SLC30A8: variants seen among roughly 807,000 people sequenced by gnomAD.
SLC30A8 encodes the protein solute carrier family 30 member 8.
Under a neutral mutation model 36.9 loss-of-function variants are expected in SLC30A8, and 27 were observed. The observed-to-expected ratio is 0.73, with a 90% CI of 0.54 to 1.01. The LOEUF (loss-of-function observed/expected upper bound fraction) is 1.01, where lower values mean the gene tolerates loss of function less well. Ranked by LOEUF, SLC30A8 falls within the 50% of genes least tolerant of loss-of-function variation. SLC30A8 has a pLI of 0.00. For missense variants in SLC30A8, 439 were observed against 452.0 expected, an observed-to-expected ratio of 0.97 and a Z score of 0.26; for synonymous variants, 164 against 172.4, an observed-to-expected ratio of 0.95 and a Z score of 0.38.
chr8:117,100,313 A>T (rs1011512534), intron 2 of SLC30A8, among the ~76,000 whole-genome samples: 4 of 152,190 alleles, frequency 2.6e-5, no homozygotes, highest in Non-Finnish European at 4.4e-5. Context: ...AGTGGAAAAG[A>T]TATATTTGAA....
rs536041878 is a variant in SLC30A8, at chr8:117,041,689, C to CAA, written c.-226+2440_-226+2441dup. 9.2e-3 allele frequency among the ~76,000 whole-genome samples: 1,331 copies of CAA among 144,552 alleles called. 12 individuals are homozygous for CAA. The highest frequency in any genetic ancestry group is 0.032 in the African/African-American group (1,251 of 39,258). The allele number at this position is 144,552 out of a possible 152,430, so 94.8% of individuals were successfully genotyped here. A position where few individuals can be genotyped will look rare whatever the true frequency, so the allele number is the denominator to read the frequency against. On this transcript the variant is annotated intron_variant, in intron 2 of 10. Transcript: ENST00000427715. The stretch of plus-strand genomic sequence containing the variant: ...GGGCAACAAGAGGTAAACTCTGTCT[C>CAA]AAAAAAAAAATAAAAAAATAAAAAA...
chr8:117,019,273 AAC>A (rs1816628043), intron 1 of SLC30A8, among the ~76,000 whole-genome samples: 1 of 152,230 alleles, frequency 6.6e-6, no homozygotes, highest in South Asian at 2.1e-4. Context: ...CAATGTATAT[AAC>A]AATGTAAACT....
chr8:117,138,060 C>CAAAAAAAAAAAAAAAAAAAAA, intron 1 of SLC30A8, among the ~76,000 whole-genome samples: 1 of 49,980 alleles, frequency 2.0e-5, no homozygotes, highest in Non-Finnish European at 4.2e-5. Flanking sequence ...TTCATTGTAG[C>CAAAAAAAAAAAAAAAAAAAAA]AAAAAAAAAA....
chr8:116,991,972 T>G (rs1815660989), intron 1 of SLC30A8, among the ~76,000 whole-genome samples: 1 of 152,184 alleles, frequency 6.6e-6, no homozygotes, highest in African/African-American at 2.4e-5. Flanking sequence ...ATCCAACATC[T>G]TGCTCTTCAA....
intron 2 of SLC30A8, among the ~76,000 whole-genome samples, chr8:117,045,988 A>G (rs1817539385): frequency 6.6e-6 from 1 of 151,032 alleles, no homozygotes; most frequent in Non-Finnish European, 1.5e-5. Flanking sequence ...TATCCCATAG[A>G]ATTAAAGCTG....
At chr8:117,126,595 G>T (rs1424452704) in intron 2 of SLC30A8, among the ~76,000 whole-genome samples, 1 of 147,180 alleles carries the variant, frequency 6.8e-6, no homozygotes, top group East Asian at 2.0e-4. Flanking sequence ...TCCATTTATT[G>T]ATTTATAAAA....
At chr8:116,978,909 C>CA (rs1554620562) in intron 1 of SLC30A8, among the ~76,000 whole-genome samples, 11 of 148,700 alleles carry the variant, frequency 7.4e-5, no homozygotes, top group Non-Finnish European at 7.5e-5. Flanking sequence ...AGGGCTGTAT[C>CA]TTTTTTTTTT....
intron 1 of SLC30A8, among the ~76,000 whole-genome samples, chr8:116,966,668 A>G (rs968847483): frequency 2.0e-5 from 3 of 152,230 alleles, no homozygotes; most frequent in African/African-American, 7.2e-5. Flanking sequence ...ATTTGCCCAC[A>G]GAAAACCTAT....
At chr8:117,015,133 C>T (rs757111276) in intron 1 of SLC30A8, among the ~76,000 whole-genome samples, 11 of 151,860 alleles carry the variant, frequency 7.2e-5, no homozygotes, top group African/African-American at 2.7e-4. Context: ...TAGGAAACTG[C>T]GTGGCACAAA....
At chr8:117,050,952 G>A (rs1298874011) in intron 2 of SLC30A8, among the ~76,000 whole-genome samples, 3 of 152,158 alleles carry the variant, frequency 2.0e-5, no homozygotes, top group East Asian at 3.9e-4. Flanking sequence ...TCTCTTCTGC[G>A]AAATGGAGCT....
intron 2 of SLC30A8, among the ~76,000 whole-genome samples, chr8:117,085,558 G>A (rs1341365922): frequency 6.6e-6 from 1 of 152,096 alleles, no homozygotes; most frequent in African/African-American, 2.4e-5. Context: ...GTACAGTAAT[G>A]GATACAGGGA....
At chr8:117,120,094 A>AT (rs1386840275) in intron 2 of SLC30A8, among the ~76,000 whole-genome samples, 2 of 151,944 alleles carry the variant, frequency 1.3e-5, no homozygotes, top group East Asian at 1.9e-4. Flanking sequence ...TTACAATGGC[A>AT]TTTTTTGCAG....
At chr8:117,019,314 G>A (rs1816628857) in intron 1 of SLC30A8, among the ~76,000 whole-genome samples, 1 of 152,188 alleles carries the variant, frequency 6.6e-6, no homozygotes, top group Non-Finnish European at 1.5e-5. Flanking sequence ...ATTACTTTTA[G>A]AGCAACAGAT....
intron 2 of SLC30A8, among the ~76,000 whole-genome samples, chr8:117,112,107 A>C (rs570421656): frequency 6.6e-6 from 1 of 151,994 alleles, no homozygotes; most frequent in South Asian, 2.1e-4. Flanking sequence ...CTCTCCTCTA[A>C]CCCCATTTCT....
intron 1 of SLC30A8, among the ~76,000 whole-genome samples, chr8:117,010,572 C>T (rs1816311518): frequency 6.6e-6 from 1 of 152,192 alleles, no homozygotes; most frequent in East Asian, 1.9e-4. Flanking sequence ...TCATGTTTTT[C>T]TCCTGAGTTC....
chr8:117,052,104 G>A (rs899193009), intron 2 of SLC30A8, among the ~76,000 whole-genome samples: 8 of 152,048 alleles, frequency 5.3e-5, no homozygotes, highest in South Asian at 2.1e-4. Flanking sequence ...TCTGCCTCCC[G>A]GGTTCAAGCG....
chr8:116,970,842 C>A (rs1814769903), intron 1 of SLC30A8, among the ~76,000 whole-genome samples: 1 of 152,056 alleles, frequency 6.6e-6, no homozygotes, highest in Non-Finnish European at 1.5e-5. Context: ...CACCAATAAT[C>A]CTAGCACTTT....
Position 117,161,869 on chromosome 8 carries a change from C to T in SLC30A8, c.704C>T (p.Ala235Val), listed in dbSNP as rs868432752. Residue 235 changes from alanine (A) to valine (V), a missense_variant, in exon 5 of 8, where the codon GCA becomes GTA. By Grantham distance (64) the Ala-to-Val change is moderately conservative. Coordinates refer to ENST00000456015, the MANE Select transcript of SLC30A8 (RefSeq NM_173851.3). ...CAGAGTATCAGTGTGCTAATTAGTG[C>T]ACTTATTATCTACTTTAAGGTGAGT... ...LFQSISVLIS[A>V]LIIYFKPEYK... 1.2e-6 allele frequency: 2 copies of T among 1,613,262 alleles called. No homozygotes were observed. Among genetic ancestry groups the T allele is most frequent in the African/African-American group, 1.3e-5 (1 of 74,984 alleles).
At chr8:117,080,447 A>T (rs1259889037) in intron 2 of SLC30A8, among the ~76,000 whole-genome samples, 1 of 152,022 alleles carries the variant, frequency 6.6e-6, no homozygotes, top group African/African-American at 2.4e-5. Flanking sequence ...TGACTCTCTT[A>T]CCCACGTAGT....
Sources: allele counts gnomAD v4.1 joint callset (sites outside exome capture counted in the v4.1 genomes callset), GRCh38; gene constraint gnomAD v4.1.1; transcripts MANE v1.5; gene names NCBI Gene and HGNC (gene_info 2026-07-23, HGNC 2026-07-21).